The following ZNF217 variants were observed in gnomAD, a reference collection of about 807,000 sequenced individuals.
The protein encoded by ZNF217 is zinc finger protein 217.
Under a neutral mutation model 73.3 loss-of-function variants are expected in ZNF217, and 12 were observed. The observed-to-expected ratio is 0.16, with a 90% CI of 0.10 to 0.27. The LOEUF (loss-of-function observed/expected upper bound fraction) is 0.27. Ranked by LOEUF, ZNF217 falls within the 10% of genes least tolerant of loss-of-function variation. ZNF217 has a pLI of 1.00. For synonymous variants in ZNF217, 588 were observed against 516.4 expected, an observed-to-expected ratio of 1.14 and a Z score of -1.88; for missense variants, 1,195 against 1,327.8, an observed-to-expected ratio of 0.90 and a Z score of 1.55.
In ZNF217 at chr20:53,589,804, A is replaced by C. The variant is rs1988818158; in HGVS notation, c.-343+3952T>G. ...ATGAGGCCATTAAGTGATATTCAAT[A>C]ATCAGGCTTCCTTCACCCGAATTTA... On this transcript the variant is annotated intron_variant, in intron 1 of 5. Transcript: ENST00000371471. Among the ~76,000 whole-genome samples the C allele has an allele frequency of 2.0e-5, 3 of 152,148 alleles. No individual in the cohort carries two copies. In the South Asian group the frequency reaches 6.2e-4, roughly 31 times the overall value.
In ZNF217 at chr20:53,581,258, T is replaced by C. The variant is rs1387290942; in HGVS notation, c.1366+203A>G. ...ACAAGGAGACCTCTTAACTCAACCC[T>C]GTTATTACAGAAATGAGAAAATTAA... On this transcript the variant is annotated intron_variant, in intron 2 of 5. Transcript: ENST00000371471. This position sits in a 1 kb window ranked among gnomAD's most constrained non-coding sequence, Gnocchi z 4.9. Among the ~76,000 whole-genome samples, 3 of 152,092 alleles carry C rather than the reference T, an allele frequency of 2.0e-5. No individual in the cohort carries two copies. Among genetic ancestry groups the C allele is most frequent in the Non-Finnish European group, 2.9e-5 (2 of 68,026 alleles).
rs1015174154 is a variant in ZNF217 at position 53,583,175 on chromosome 20, G to GA, written c.-342-8dup. ...GACAAGGGATTTCCAAACCCTAGAGGAAAAAAAACAGAAACGGTTAGCTAC... is the reference window on the plus strand; with the variant it reads ...GACAAGGGATTTCCAAACCCTAGAGGAAAAAAAAACAGAAACGGTTAGCTAC... On this transcript the variant is annotated splice_region_variant and splice_polypyrimidine_tract_variant and intron_variant, in intron 1 of 5. Transcript: ENST00000371471. 14 of 409,288 alleles carry GA rather than the reference G, an allele frequency of 3.4e-5. No individual in the cohort carries two copies. The South Asian group carries it at 7.1e-4, about 21-fold the overall frequency. 25.4% of individuals were successfully genotyped at this position (409,288 alleles called of 1,614,324 possible).
upstream of ZNF217, among the ~76,000 whole-genome samples, chr20:53,597,166 C>A (rs777869040): frequency 3.6e-4 from 54 of 151,856 alleles, no homozygotes; most frequent in Admixed American, 2.0e-4. Context: ...GAGACTCAGC[C>A]TTAATTAGAA....
chr20:53,572,472 C>T (rs1988054288), intron 4 of ZNF217, among the ~76,000 whole-genome samples: 1 of 152,058 alleles, frequency 6.6e-6, no homozygotes, highest in South Asian at 2.1e-4. Context: ...CCTTTTCCCC[C>T]TTTAAGTAAA....
Position 53,576,190 on chromosome 20 carries a change from C to T in ZNF217, c.2574G>A (p.Glu858=). 1.2e-6 allele frequency: 2 copies of T among 1,614,198 alleles called. No homozygotes were observed. The highest frequency in any genetic ancestry group is 1.7e-6 in the Non-Finnish European group (2 of 1,180,042). Reference sequence around the variant, plus strand: ...CTACTGGAAGAGGTTTCAATTTTGTCTCGGGTCTTTTTGTCTTATCCGGTG... The same window carrying T: ...CTACTGGAAGAGGTTTCAATTTTGTTTCGGGTCTTTTTGTCTTATCCGGTG... The part of the protein sequence containing the change: ...SPAPDKTKRP[E]TKLKPLPVAP... Residue 858 remains glutamate, a synonymous_variant, in exon 4 of 6, where the codon GAG becomes GAA. Coordinates refer to ENST00000371471, the MANE Select transcript of ZNF217 (RefSeq NM_006526.3).
intron 4 of ZNF217, chr20:53,574,858 T>C (rs1177272248): frequency 1.3e-5 from 2 of 149,860 alleles, no homozygotes; most frequent in African/African-American, 4.9e-5. Context: ...GGATTGGCAC[T>C]GACTACTGAG....
rs967704992 is a variant in ZNF217, at chr20:53,575,625, AC to A, written c.3037+101del. On this transcript the variant is annotated intron_variant, in intron 4 of 5. Coordinates refer to ENST00000371471, the MANE Select transcript of ZNF217 (RefSeq NM_006526.3). ...GACCCCCAAGAACTTCTGGCTGCCT[AC>A]CCCCCACCCTTGGGAGTGGTACCAT... 2.7e-5 allele frequency: 33 copies of A among 1,205,062 alleles called. No individual in the cohort carries two copies. In the African/African-American group the frequency reaches 4.2e-4, roughly 15 times the overall value. 74.6% of individuals were successfully genotyped at this position (1,205,062 alleles called of 1,614,324 possible). A position where few individuals can be genotyped will look rare whatever the true frequency, so the allele number is the denominator to read the frequency against.
rs970949214 is a variant in ZNF217 at position 53,568,010 on chromosome 20, A to G, written c.*1278T>C. On this transcript the variant is annotated 3_prime_UTR_variant, in exon 6 of 6. Transcript: ENST00000371471. ...GCATATTAAAGAACAAAAGTTTAAA[A>G]TATCTAGGAAGCCAGCTGGTGGCCA... 6.6e-6 allele frequency: 1 copy of G among 152,626 alleles called. No homozygotes were observed. The highest frequency in any genetic ancestry group is 2.4e-5 in the African/African-American group (1 of 41,466). The allele number at this position is 152,626 out of a possible 1,614,324, so 9.5% of individuals were successfully genotyped here.
chr20:53,579,826 G>C (rs968755501), intron 2 of ZNF217, among the ~76,000 whole-genome samples: 1 of 152,242 alleles, frequency 6.6e-6, no homozygotes, highest in African/African-American at 2.4e-5. Context: ...TAGTAGCAAA[G>C]AAAGGTTAAG....
chr20:53,572,076 T>C (rs559046162), intron 4 of ZNF217, among the ~76,000 whole-genome samples: 27 of 152,324 alleles, frequency 1.8e-4, no homozygotes, highest in Middle Eastern at 3.4e-3. Flanking sequence ...TTGTCTGGGC[T>C]GTCACTAGAA....
Position 53,577,003 on chromosome 20 carries a change from C to T in ZNF217, c.1761G>A (p.Leu587=), listed in dbSNP as rs61748380. The T allele has an allele frequency of 3.0e-3, 4,773 of 1,614,188 alleles. 13 individuals carry two copies. The highest frequency in any genetic ancestry group is 3.7e-3 in the Non-Finnish European group (4,367 of 1,180,042). Residue 587 remains leucine (L), a synonymous_variant, in exon 4 of 6, where the codon CTG becomes CTA. Transcript: ENST00000371471. ...GTGCTGGTGAGAGGACAGCGCTGCC[C>T]AGAACATTCTGAAAAACAGAAGGCA... The part of the protein sequence containing the change: ...KEMPSVFQNV[L]GSAVLSPAHK...
At chr20:53,572,526 G>A (rs961997357) in intron 4 of ZNF217, 13 of 152,144 alleles carry the variant, frequency 8.5e-5, no homozygotes, top group Non-Finnish European at 1.9e-4. Flanking sequence ...CATGGGGGGG[G>A]AAATGAAGAT....
intron 1 of ZNF217, among the ~76,000 whole-genome samples, chr20:53,583,862 C>T (rs1988597859): frequency 6.6e-6 from 1 of 152,280 alleles, no homozygotes; most frequent in African/African-American, 2.4e-5. Context: ...TCCCAGCTTG[C>T]TTTCAACGAC....
intron 3 of ZNF217, 92 bp downstream of exon 3, chr20:53,578,242 G>GATCT: frequency 1.2e-6 from 1 of 800,182 alleles, no homozygotes; most frequent in South Asian, 1.7e-5. Flanking sequence ...CTAGTCCAAG[G>GATCT]ATCTGGCAGA....
upstream of ZNF217, among the ~76,000 whole-genome samples, chr20:53,595,759 A>G (rs1989030715): frequency 6.6e-6 from 1 of 152,192 alleles, no homozygotes; most frequent in Non-Finnish European, 1.5e-5. Context: ...TTTAAAATAT[A>G]TTTTTTAAAC....
intron 1 of ZNF217, among the ~76,000 whole-genome samples, chr20:53,592,306 A>C: frequency 6.6e-6 from 1 of 152,172 alleles, no homozygotes; most frequent in Non-Finnish European, 1.5e-5. Flanking sequence ...ATTCAGGAAG[A>C]TAAACTGAGG....
At chr20:53,594,944 G>C (rs1219242662), upstream of ZNF217, among the ~76,000 whole-genome samples, 1 of 148,954 alleles carries the variant, frequency 6.7e-6, no homozygotes, top group Non-Finnish European at 1.5e-5. Flanking sequence ...GGCTGGGCTT[G>C]CGCTATTCTA....
chr20:53,576,657 T>C lies in ZNF217; in HGVS notation c.2107A>G (p.Ser703Gly), dbSNP rs1988285113. 2 of 1,614,108 alleles carry C rather than the reference T, an allele frequency of 1.2e-6. No homozygotes were observed. The highest frequency in any genetic ancestry group is 1.3e-5 in the African/African-American group (1 of 74,918). The part of the protein sequence containing the change: ...ALHNCPAISL[S>G]KSLIPSITCP... ...GTGATACTTGGAATCAAACTTTTAC[T>C]CAAAGAAATTGCCGGGCAATTGTGA... The change falls in exon 4 of 6, where the codon AGT becomes GGT. Residue 703 changes from serine (S) to glycine (G), a missense_variant. By Grantham distance (56) the Ser-to-Gly change is moderately conservative. Around this residue, in one of 9 missense-constraint regions of ZNF217, gnomAD observed 649 missense variants for 642.8 expected, o/e 1.01. Transcript: ENST00000371471.
In ZNF217 at chr20:53,567,727, C is replaced by G. The variant is rs1275440592; in HGVS notation, c.*1561G>C. On this transcript the variant is annotated 3_prime_UTR_variant, in exon 6 of 6. Transcript: ENST00000371471. ...GTCAATAGTGTACACTTTCCTGATA[C>G]AAAGCACTTCATTGCAATGCCAACA... The G allele has an allele frequency of 6.6e-6, 1 of 152,536 alleles. No homozygotes were observed. Among genetic ancestry groups the G allele is most frequent in the East Asian group, 1.9e-4 (1 of 5,200 alleles). 9.4% of individuals were successfully genotyped at this position (152,536 alleles called of 1,614,324 possible).
Sources: allele counts gnomAD v4.1 joint callset (sites outside exome capture counted in the v4.1 genomes callset), GRCh38; gene constraint gnomAD v4.1.1; regional missense constraint gnomAD v4.1.1; non-coding constraint Gnocchi (gnomAD v3.1); transcripts MANE v1.5; gene names NCBI Gene and HGNC (gene_info 2026-07-23, HGNC 2026-07-21).